The following KCNU1 variants were observed in gnomAD, a reference collection of about 807,000 sequenced individuals.
KCNU1 encodes potassium channel subfamily U member 1.
Under a neutral mutation model 126.8 loss-of-function variants are expected in KCNU1, and 93 were observed. The observed-to-expected ratio is 0.73, with a 90% CI of 0.62 to 0.87. KCNU1 has a LOEUF of 0.87. Ranked by LOEUF, KCNU1 falls within the 40% of genes least tolerant of loss-of-function variation. The probability of loss-of-function intolerance (pLI) is 0.00; values close to 1 mark genes in which losing one functional copy is unlikely to be tolerated. For synonymous variants in KCNU1, 523 were observed against 494.2 expected, an observed-to-expected ratio of 1.06 and a Z score of -0.77; for missense variants, 1,330 against 1,367.1, an observed-to-expected ratio of 0.97 and a Z score of 0.43.
Position 36,845,858 on chromosome 8 carries a change from C to T in KCNU1, c.1850C>T (p.Thr617Ile), listed in dbSNP as rs758223537. ...HDDVFIPELITNCGCKSRSRQ... is the reference protein window; with the variant it reads ...HDDVFIPELIINCGCKSRSRQ... Reference sequence around the variant, plus strand: ...GATGTGTTCATTCCTGAGCTAATTACAAACTGTGGCTGCAAAAGCAGAAGC... The same window carrying T: ...GATGTGTTCATTCCTGAGCTAATTATAAACTGTGGCTGCAAAAGCAGAAGC... Residue 617 changes from threonine to isoleucine, a missense_variant, in exon 18 of 27, where the codon ACA (threonine) becomes ATA (isoleucine). Thr to Ile is a moderately conservative substitution (Grantham distance 89). This residue lies in a region of KCNU1 where 1,054 missense variants were observed against 1,053.9 expected (regional missense o/e 1.00). Transcript: ENST00000399881. 2 of 1,608,032 alleles carry T rather than the reference C, an allele frequency of 1.2e-6. No homozygotes were observed. The highest frequency in any genetic ancestry group is 1.7e-6 in the Non-Finnish European group (2 of 1,176,688).
intron 8 of KCNU1, among the ~76,000 whole-genome samples, chr8:36,815,359 A>G (rs1803869768): frequency 1.3e-5 from 2 of 152,136 alleles, no homozygotes; most frequent in South Asian, 4.1e-4. Context: ...TGGGGAAATC[A>G]CCTTGCTGCT....
intron 24 of KCNU1, chr8:36,928,757 A>C: frequency 4.5e-6 from 2 of 447,212 alleles, no homozygotes; most frequent in Non-Finnish European, 7.9e-6. Flanking sequence ...TGAGGATATG[A>C]GTCTTATGCA....
intron 2 of KCNU1, among the ~76,000 whole-genome samples, chr8:36,798,383 A>G (rs894836885): frequency 2.0e-5 from 3 of 152,176 alleles, no homozygotes; most frequent in African/African-American, 7.2e-5. Flanking sequence ...ATTTTACCCC[A>G]AAACATGTTT....
chr8:36,793,807 G>C (rs969164481), intron 2 of KCNU1, among the ~76,000 whole-genome samples: 2 of 152,070 alleles, frequency 1.3e-5, no homozygotes, highest in African/African-American at 4.8e-5. Context: ...TGTAATCCCA[G>C]CACTTTGGGA....
intron 18 of KCNU1, among the ~76,000 whole-genome samples, chr8:36,846,930 C>T (rs911993175): frequency 2.0e-5 from 3 of 151,848 alleles, no homozygotes; most frequent in Non-Finnish European, 2.9e-5. Flanking sequence ...GGTTCTTGTT[C>T]TCTCCTTCTT....
chr8:36,854,654 T>C (rs1476275970), intron 18 of KCNU1, among the ~76,000 whole-genome samples: 1 of 152,168 alleles, frequency 6.6e-6, no homozygotes, highest in African/African-American at 2.4e-5. Context: ...TATAGGTTTT[T>C]AAAGCTCTTC....
chr8:36,876,925 C>T (rs1450196527), intron 19 of KCNU1, among the ~76,000 whole-genome samples: 4 of 152,054 alleles, frequency 2.6e-5, no homozygotes, highest in Non-Finnish European at 5.9e-5. Context: ...AGCACTGAAG[C>T]AGAAAGGAGA....
At chr8:36,900,510 G>C (rs561980510) in intron 19 of KCNU1, among the ~76,000 whole-genome samples, 2 of 152,114 alleles carry the variant, frequency 1.3e-5, no homozygotes, top group Non-Finnish European at 2.9e-5. Context: ...GAGGGGGTAT[G>C]TGAGTAGGAT....
intron 25 of KCNU1, among the ~76,000 whole-genome samples, chr8:36,931,731 T>C (rs922383479): frequency 3.3e-5 from 5 of 151,978 alleles, no homozygotes; most frequent in Non-Finnish European, 7.4e-5. Flanking sequence ...AGAAATCTGA[T>C]AAGGTCAGCT....
At chr8:36,842,973 A>G (rs1473083804) in intron 16 of KCNU1, among the ~76,000 whole-genome samples, 2 of 152,122 alleles carry the variant, frequency 1.3e-5, no homozygotes, top group Non-Finnish European at 2.9e-5. Context: ...CTGTTTGCAT[A>G]AGTTTTAAAG....
intron 14 of KCNU1, among the ~76,000 whole-genome samples, chr8:36,837,354 A>G (rs961661956): frequency 6.6e-6 from 1 of 152,198 alleles, no homozygotes; most frequent in African/African-American, 2.4e-5. Context: ...TGGTATAATA[A>G]TTATATTCAT....
intron 5 of KCNU1, 129 bp from the exon 6 acceptor site, chr8:36,807,231 GCTGTTAAGCCTATAA>G: frequency 1.5e-6 from 1 of 646,976 alleles, no homozygotes; most frequent in East Asian, 2.7e-5. Context: ...TACAGCTTAT[GCTGTTAAGCCTATAA>G]CATGAGAATA....
At chr8:36,821,657 T>C (rs1361683953) in intron 10 of KCNU1, among the ~76,000 whole-genome samples, 1 of 152,190 alleles carries the variant, frequency 6.6e-6, no homozygotes, top group Non-Finnish European at 1.5e-5. Flanking sequence ...AGTTTAATGA[T>C]GGCTAATAGC....
chr8:36,864,336 A>G (rs1805826561), intron 18 of KCNU1, 68 bp from the exon 19 acceptor site: 1 of 988,656 alleles, frequency 1.0e-6, no homozygotes. Context: ...GGCTCAGCCA[A>G]GGGGAATATT....
At chr8:36,822,340 C>T (rs1035710946) in intron 10 of KCNU1, among the ~76,000 whole-genome samples, 2 of 151,962 alleles carry the variant, frequency 1.3e-5, no homozygotes, top group Admixed American at 1.3e-4. Flanking sequence ...AGGCAGCACA[C>T]ATGTAAATGA....
intron 1 of KCNU1, among the ~76,000 whole-genome samples, chr8:36,785,279 T>A (rs1802673934): frequency 6.6e-6 from 1 of 152,234 alleles, no homozygotes; most frequent in African/African-American, 2.4e-5. Context: ...TCTCAAATGC[T>A]GTGTAATGGA....
At chr8:36,792,226 T>G (rs1802929704) in intron 2 of KCNU1, among the ~76,000 whole-genome samples, 1 of 152,206 alleles carries the variant, frequency 6.6e-6, no homozygotes, top group African/African-American at 2.4e-5. Flanking sequence ...CTCTGCAAGT[T>G]CTCAGCAACA....
chr8:36,898,429 A>G (rs955722812), intron 19 of KCNU1, among the ~76,000 whole-genome samples: 4 of 151,946 alleles, frequency 2.6e-5, no homozygotes, highest in African/African-American at 9.7e-5. Context: ...CCCACTGCAT[A>G]AGGAAAGCAT....
chr8:36,936,016 C>T lies in KCNU1; in HGVS notation c.*96C>T, dbSNP rs543091614. 27 of 1,192,634 alleles carry T rather than the reference C, an allele frequency of 2.3e-5. No individual in the cohort carries two copies. The highest frequency in any genetic ancestry group is 5.1e-5 in the Admixed American group (2 of 38,920). The allele number at this position is 1,192,634 out of a possible 1,614,324, so 73.9% of individuals were successfully genotyped here. A position where few individuals can be genotyped will look rare whatever the true frequency, so the allele number is the denominator to read the frequency against. ...CAAAGAAAATAAGAATGGAAGCATG[C>T]CATTTTTCTGCCCATTGCTTAGTGG... On this transcript the variant is annotated 3_prime_UTR_variant, in exon 27 of 27. Transcript: ENST00000399881.
Sources: gnomAD v4.1 joint callset for allele counts (sites outside exome capture counted in the v4.1 genomes callset) on GRCh38, gnomAD v4.1.1 for gene constraint, gnomAD v4.1.1 regional missense constraint, MANE v1.5 for transcripts, NCBI Gene and HGNC (gene_info 2026-07-23, HGNC 2026-07-21) for gene names.